KIF24: variants seen among roughly 807,000 people sequenced by gnomAD.
KIF24 encodes the protein kinesin-like protein KIF24.
In KIF24, 81 loss-of-function variants were observed where a neutral mutation model predicts 118.9. The ratio of observed to expected loss-of-function variants is 0.68; its 90% CI spans 0.57 to 0.82. The LOEUF (loss-of-function observed/expected upper bound fraction) is 0.82. Ranked by LOEUF, KIF24 falls within the 40% of genes least tolerant of loss-of-function variation. The probability of loss-of-function intolerance (pLI) is 0.00; values close to 1 mark genes in which losing one functional copy is unlikely to be tolerated. For missense variants in KIF24, 1,560 were observed against 1,661.6 expected, an observed-to-expected ratio of 0.94 and a Z score of 1.06; for synonymous variants, 599 against 610.0, an observed-to-expected ratio of 0.98 and a Z score of 0.27.
intron 1 of KIF24, among the ~76,000 whole-genome samples, chr9:34,314,532 C>T (rs1416074425): frequency 6.6e-6 from 1 of 152,076 alleles, no homozygotes; most frequent in African/African-American, 2.4e-5. Context: ...AACCAAAAAA[C>T]AACAAGAAAT....
At position 34,318,644 on chromosome 9, in the gene KIF24, G is replaced by A. The variant is rs1021650089; in HGVS notation, c.-25-7273C>T. Reference sequence around the variant, plus strand: ...GGTGGTGGCCTCGTCGTTGGGGCTCGTGTCGCTGGGCGGCAAGGCGACCAC... The same window carrying A: ...GGTGGTGGCCTCGTCGTTGGGGCTCATGTCGCTGGGCGGCAAGGCGACCAC... On this transcript the variant is annotated intron_variant, in intron 1 of 12. Transcript: ENST00000402558. The surrounding 1 kb of genome is among the most constrained non-coding windows in gnomAD (Gnocchi z 4.9). 1.6e-5 allele frequency: 25 copies of A among 1,538,522 alleles called. No individual in the cohort carries two copies. In the Admixed American group the frequency reaches 1.9e-4, roughly 12 times the overall value.
chr9:34,303,861 A>G (rs540334479), intron 3 of KIF24, among the ~76,000 whole-genome samples: 7 of 152,284 alleles, frequency 4.6e-5, no homozygotes, highest in African/African-American at 1.7e-4. Flanking sequence ...ACAGACAGAC[A>G]AAAACCATTG....
At chr9:34,262,661 A>ATATATATATATGTAT (rs1835105999) in intron 9 of KIF24, among the ~76,000 whole-genome samples, 1 of 44,862 alleles carries the variant, frequency 2.2e-5, no homozygotes, top group Non-Finnish European at 4.2e-5. Flanking sequence ...AAAAAAAAAA[A>ATATATATATATGTAT]AAAAAAAAAA....
Position 34,311,111 on chromosome 9 carries a change from T to C in KIF24, c.236A>G (p.Gln79Arg). 6.2e-7 allele frequency: 1 copy of C among 1,613,786 alleles called. No individual in the cohort carries two copies. Among genetic ancestry groups the C allele is most frequent in the East Asian group, 2.2e-5 (1 of 44,874 alleles). The change falls in exon 2 of 13, where the codon CAG becomes CGG. Residue 79 changes from glutamine (Q) to arginine (R), a missense_variant. Physicochemically the swap from Gln to Arg is conservative, Grantham distance 43. Coordinates refer to ENST00000402558, the MANE Select transcript of KIF24 (RefSeq NM_194313.4). ...KAVSIPERHL[Q>R]TSSLRIKSQE... The stretch of plus-strand genomic sequence containing the variant: ...AGATTTGATGCGCAGGCTGCTTGTC[T>C]GAAGATGACGCTCTGGGATACTGAC...
intron 1 of KIF24, among the ~76,000 whole-genome samples, chr9:34,324,712 C>T (rs1837623321): frequency 6.6e-6 from 1 of 152,208 alleles, no homozygotes; most frequent in Non-Finnish European, 1.5e-5. Context: ...GCATGACCCA[C>T]AAATCCTTCT....
At chr9:34,319,859 T>G (rs1176615909) in intron 1 of KIF24, among the ~76,000 whole-genome samples, 1 of 152,190 alleles carries the variant, frequency 6.6e-6, no homozygotes. Flanking sequence ...GATACCATGA[T>G]GCTGAGCCCA....
chr9:34,252,540 CTTCT>C lies in KIF24; in HGVS notation c.*1836_*1839del, dbSNP rs1377718130. On this transcript the variant is annotated 3_prime_UTR_variant, in exon 13 of 13. Coordinates refer to ENST00000402558, the MANE Select transcript of KIF24 (RefSeq NM_194313.4). ...TAAAAGGTATGTCTTGGTGTGATAACTTCTTTATTACCAAGGCTGTTTTATGGGA... is the reference window on the plus strand; with the variant it reads ...TAAAAGGTATGTCTTGGTGTGATAACTTATTACCAAGGCTGTTTTATGGGA... The C allele has an allele frequency of 6.6e-6, 1 of 152,544 alleles. No homozygotes were observed. Among genetic ancestry groups the C allele is most frequent in the African/African-American group, 2.4e-5 (1 of 41,402 alleles). 9.4% of individuals were successfully genotyped at this position (152,544 alleles called of 1,614,324 possible).
chr9:34,259,523 G>C, intron 10 of KIF24, 73 bp downstream of exon 10: 1 of 1,102,046 alleles, frequency 9.1e-7, no homozygotes. Flanking sequence ...GTGCACACAT[G>C]CTCACACACG....
Position 34,259,604 on chromosome 9 carries a change from A to G in KIF24, c.1617T>C (p.Tyr539=). ...TCTGGGAGCTGACTTACCGGTCAGC[A>G]TAGCGCAAGGTGTTGAGAGTGTGTT... The part of the protein sequence containing the change: ...ATEHTLNTLR[Y]ADRVKELKKG... Residue 539 remains tyrosine (Y), a synonymous_variant, in exon 10 of 13, where the codon TAT becomes TAC. Coordinates refer to ENST00000402558, the MANE Select transcript of KIF24 (RefSeq NM_194313.4). The G allele has an allele frequency of 6.2e-7, 1 of 1,613,548 alleles. No individual in the cohort carries two copies. The highest frequency in any genetic ancestry group is 8.5e-7 in the Non-Finnish European group (1 of 1,179,490).
intron 6 of KIF24, among the ~76,000 whole-genome samples, chr9:34,276,653 T>C (rs908921487): frequency 6.6e-6 from 1 of 152,224 alleles, no homozygotes; most frequent in African/African-American, 2.4e-5. Flanking sequence ...AGATTATCTG[T>C]ATGTGAGATG....
intron 5 of KIF24, among the ~76,000 whole-genome samples, chr9:34,287,438 T>A (rs764166283): frequency 5.2e-4 from 79 of 152,180 alleles, no homozygotes; most frequent in Non-Finnish European, 2.5e-4. Context: ...TTCAAGGTAA[T>A]AAATGGTTAT....
intron 8 of KIF24, among the ~76,000 whole-genome samples, chr9:34,267,698 G>T (rs930237801): frequency 6.6e-6 from 1 of 152,038 alleles, no homozygotes; most frequent in Non-Finnish European, 1.5e-5. Flanking sequence ...TATTCTACAA[G>T]CTTTTTTGGT....
chr9:34,273,535 C>T (rs1308862176), intron 6 of KIF24, among the ~76,000 whole-genome samples: 79 of 48,680 alleles, frequency 1.6e-3, no homozygotes, highest in Middle Eastern at 5.1e-3. Flanking sequence ...GTGAAACAGT[C>T]CCCATTCATC....
At chr9:34,284,212 G>A (rs943085117) in intron 6 of KIF24, among the ~76,000 whole-genome samples, 2 of 152,130 alleles carry the variant, frequency 1.3e-5, no homozygotes, top group Admixed American at 1.3e-4. Flanking sequence ...AGGCTGCAGT[G>A]AGCCATGTGT....
Position 34,256,061 on chromosome 9 carries a change from A to T in KIF24, c.3546T>A (p.Asp1182Glu), listed in dbSNP as rs1352649258. ...YDADAEETGLDGSWGFPGKPF... is the reference protein window; with the variant it reads ...YDADAEETGLEGSWGFPGKPF... The stretch of plus-strand genomic sequence containing the variant: ...GCTTTCCTGGGAAACCCCAGGAGCC[A>T]TCCAGCCCCGTCTCCTCTGCATCAG... The change falls in exon 11 of 13, where the codon GAT (aspartate) becomes GAA (glutamate). Residue 1182 changes from aspartate (D) to glutamate (E), a missense_variant. This residue lies in a region of KIF24 where 591 missense variants were observed against 655.6 expected (regional missense o/e 0.90). Coordinates refer to ENST00000402558, the MANE Select transcript of KIF24 (RefSeq NM_194313.4). The T allele has an allele frequency of 6.2e-7, 1 of 1,613,968 alleles. No homozygotes were observed. Among genetic ancestry groups the T allele is most frequent in the East Asian group, 2.2e-5 (1 of 44,880 alleles).
rs375858684 is a variant in KIF24 at position 34,300,607 on chromosome 9, A to T, written c.814-3493T>A. ...CTGGTCTCAAGAGCTCCCGAAGGTGATCCGCCTGCCTCGGCCTACCAAAGT... is the reference window on the plus strand; with the variant it reads ...CTGGTCTCAAGAGCTCCCGAAGGTGTTCCGCCTGCCTCGGCCTACCAAAGT... On this transcript the variant is annotated intron_variant, in intron 3 of 12. Coordinates refer to ENST00000402558, the MANE Select transcript of KIF24 (RefSeq NM_194313.4). Among the ~76,000 whole-genome samples the T allele has an allele frequency of 6.6e-5, 10 of 152,184 alleles. No homozygotes were observed. In the East Asian group the frequency reaches 9.7e-4, roughly 15 times the overall value.
At chr9:34,294,921 C>A (rs1259251298) in intron 4 of KIF24, among the ~76,000 whole-genome samples, 3 of 152,056 alleles carry the variant, frequency 2.0e-5, no homozygotes, top group Non-Finnish European at 2.9e-5. Flanking sequence ...TGTCTTGTTA[C>A]AGATATTTGT....
intron 3 of KIF24, among the ~76,000 whole-genome samples, chr9:34,298,144 A>C (rs539295283): frequency 6.0e-4 from 91 of 152,320 alleles, no homozygotes; most frequent in African/African-American, 2.1e-3. Context: ...GGAAGTATGA[A>C]CAGAGTCAAA....
At chr9:34,293,338 G>C (rs376700951) in intron 4 of KIF24, among the ~76,000 whole-genome samples, 1 of 151,988 alleles carries the variant, frequency 6.6e-6, no homozygotes. Flanking sequence ...AAATTTGCCA[G>C]GTGTGGTGGC....
Sources: gnomAD v4.1 joint callset for allele counts (sites outside exome capture counted in the v4.1 genomes callset) on GRCh38, gnomAD v4.1.1 for gene constraint, gnomAD v4.1.1 regional missense constraint, Gnocchi (gnomAD v3.1) non-coding constraint, MANE v1.5 for transcripts, NCBI Gene and HGNC (gene_info 2026-07-23, HGNC 2026-07-21) for gene names.